PARG: variants seen among roughly 807,000 people sequenced by gnomAD.
PARG encodes poly(ADP-ribose) glycohydrolase, also known as mitochondrial poly(ADP-ribose) glycohydrolase.
In PARG, 35 loss-of-function variants were observed where a neutral mutation model predicts 113.0. That is an observed-to-expected ratio of 0.31 (90% CI 0.24 to 0.41). PARG has a LOEUF of 0.41. Ranked by LOEUF, PARG falls within the 10% of genes least tolerant of loss-of-function variation. PARG has a pLI of 1.00. For synonymous variants in PARG, 330 were observed against 409.9 expected (o/e 0.81, Z 2.36); for missense variants, 797 against 1,169.4 (o/e 0.68, Z 4.64).
chr10:49,873,582 C>G (rs2063703192), intron 9 of PARG, among the ~76,000 whole-genome samples: 1 of 141,172 alleles, frequency 7.1e-6, no homozygotes, highest in Non-Finnish European at 1.6e-5. Context: ...GGCTTCCCTA[C>G]CTAGAAAATT....
chr10:49,925,734 G>T (rs1455211215), intron 4 of PARG, among the ~76,000 whole-genome samples: 1 of 152,202 alleles, frequency 6.6e-6, no homozygotes, highest in African/African-American at 2.4e-5. Flanking sequence ...ACAGAGCAGG[G>T]AGCCCTCTTA....
In PARG at chr10:49,933,427, G is replaced by A. The variant is rs1838586395; in HGVS notation, c.1021C>T (p.Pro341Ser). 3.1e-6 allele frequency: 5 copies of A among 1,613,370 alleles called. No homozygotes were observed. The highest frequency in any genetic ancestry group is 2.5e-6 in the Non-Finnish European group (3 of 1,179,400). ...DGSSSQTANK[P>S]SRFQARDADI... ...GCGTCTCTTGCTTGGAACCTTGAAGGTTTATTTGCTGTTTGGGAGGAACTA... is the reference window on the plus strand; with the variant it reads ...GCGTCTCTTGCTTGGAACCTTGAAGATTTATTTGCTGTTTGGGAGGAACTA... Residue 341 changes from proline (P) to serine (S), a missense_variant, in exon 3 of 18, where the codon CCT becomes TCT. Pro to Ser is a moderately conservative substitution (Grantham distance 74). This residue lies in a region of PARG where 252 missense variants were observed against 437.4 expected (regional missense o/e 0.58). Transcript: ENST00000616448.
intron 13 of PARG, among the ~76,000 whole-genome samples, chr10:49,852,170 C>T (rs1554834304): frequency 1.3e-5 from 2 of 152,142 alleles, no homozygotes; most frequent in Admixed American, 6.6e-5. Context: ...GAAATCCAGA[C>T]ATCAAATAGA....
At chr10:49,878,714 G>A (rs1236813881) in intron 9 of PARG, among the ~76,000 whole-genome samples, 7 of 151,662 alleles carry the variant, frequency 4.6e-5, no homozygotes, top group Non-Finnish European at 8.8e-5. Context: ...TTGTGTATCC[G>A]CTCTATGACT....
In PARG at chr10:49,823,857, ATTTAT is replaced by A. The variant is rs571475146; in HGVS notation, c.2648-3569_2648-3565del. Among the ~76,000 whole-genome samples the A allele has an allele frequency of 2.2e-3, 335 of 152,342 alleles. 2 individuals carry two copies. The highest frequency in any genetic ancestry group is 7.8e-3 in the African/African-American group (324 of 41,594). On this transcript the variant is annotated intron_variant, in intron 16 of 17. Coordinates refer to ENST00000616448, the MANE Select transcript of PARG (RefSeq NM_003631.5). ...CATTTAAAATTTATCTCTTTATAGA[ATTTAT>A]TTTATATTAAGAGAAAATCAAAAAG...
intron 7 of PARG, among the ~76,000 whole-genome samples, chr10:49,899,956 G>A (rs1848276330): frequency 6.6e-6 from 1 of 152,074 alleles, no homozygotes; most frequent in Non-Finnish European, 1.5e-5. Flanking sequence ...AGTTTTTAAA[G>A]TACTCTGTAA....
In PARG at chr10:49,933,542, T is replaced by G; in HGVS notation, c.906A>C (p.Ser302=). ...TTTTAGAATTATCCACATCCATCGG[T>G]GACTCGGGTTCACTTTCCTTCTCAA... is the stretch of plus-strand genomic sequence containing the variant. The part of the protein sequence containing the change: ...PPFEKESEPE[S]PMDVDNSKNS... Residue 302 remains serine (S), a synonymous_variant, in exon 3 of 18, where the codon TCA becomes TCC. Coordinates refer to ENST00000616448, the MANE Select transcript of PARG (RefSeq NM_003631.5). 1 of 1,611,624 alleles carries G rather than the reference T, an allele frequency of 6.2e-7. No individual in the cohort carries two copies. The highest frequency in any genetic ancestry group is 1.1e-5 in the South Asian group (1 of 90,954).
intron 5 of PARG, 47 bp from the exon 6 acceptor site, chr10:49,922,466 T>C (rs1446389533): frequency 3.7e-6 from 6 of 1,609,982 alleles, no homozygotes; most frequent in Non-Finnish European, 4.2e-6. Flanking sequence ...CTAAGTTGTT[T>C]TGCATCACAG....
At chr10:49,940,235 C>T (rs1312877425) in intron 1 of PARG, among the ~76,000 whole-genome samples, 1 of 148,104 alleles carries the variant, frequency 6.8e-6, no homozygotes, top group African/African-American at 2.5e-5. Context: ...CCTAGATTAA[C>T]TCCTTAACTG....
intron 7 of PARG, among the ~76,000 whole-genome samples, chr10:49,899,459 A>T (rs1469297383): frequency 6.6e-6 from 1 of 152,208 alleles, no homozygotes; most frequent in Non-Finnish European, 1.5e-5. Context: ...GGCTCATGAA[A>T]GTCTGACAGG....
chr10:49,819,567 G>C, intron 17 of PARG, 73 bp from the exon 18 acceptor site: 1 of 1,129,484 alleles, frequency 8.9e-7, no homozygotes, highest in Non-Finnish European at 1.3e-6. Flanking sequence ...GAACACTCCA[G>C]TTTTATCTTA....
At position 49,915,366 on chromosome 10, in the gene PARG, C is replaced by T. The variant is rs569892388; in HGVS notation, c.1737+551G>A. 1.1e-4 allele frequency among the ~76,000 whole-genome samples: 17 copies of T among 152,192 alleles called. No homozygotes were observed. In the South Asian group the frequency reaches 3.5e-3, roughly 32 times the overall value. ...TAGACAAATGAAAAGACTCTCTCTGCTAATGGTACTATGAAAGTGATATTC... is the reference window on the plus strand; with the variant it reads ...TAGACAAATGAAAAGACTCTCTCTGTTAATGGTACTATGAAAGTGATATTC... On this transcript the variant is annotated intron_variant, in intron 7 of 17. Coordinates refer to ENST00000616448, the MANE Select transcript of PARG (RefSeq NM_003631.5).
intron 7 of PARG, among the ~76,000 whole-genome samples, chr10:49,903,792 G>A (rs61218718): frequency 0.018 from 2,734 of 151,624 alleles, 79 homozygotes; most frequent in African/African-American, 0.061. Context: ...AGCAGGAAAA[G>A]TGGCATGAAA....
chr10:49,862,133 C>T (rs1449658445), intron 11 of PARG, among the ~76,000 whole-genome samples: 10 of 149,842 alleles, frequency 6.7e-5, no homozygotes, highest in African/African-American at 2.5e-4. Context: ...ATACCTGCGA[C>T]AGAAATTCTG....
intron 13 of PARG, among the ~76,000 whole-genome samples, chr10:49,846,135 AATAC>A (rs1588891102): frequency 6.6e-6 from 1 of 151,568 alleles, no homozygotes; most frequent in African/African-American, 2.4e-5. Context: ...CACACAAAGG[AATAC>A]TCCTTAGTAA....
intron 8 of PARG, 38 bp downstream of exon 8, chr10:49,885,165 G>A (rs1554840215): frequency 1.8e-6 from 2 of 1,092,176 alleles, no homozygotes; most frequent in South Asian, 1.2e-5. Flanking sequence ...TCAATTGGCA[G>A]TCTCAGGGAA....
At chr10:49,920,538 A>ATACACATATATATACATATAT (rs1420179950) in intron 6 of PARG, among the ~76,000 whole-genome samples, 40 of 142,942 alleles carry the variant, frequency 2.8e-4, no homozygotes, top group African/African-American at 9.9e-4. Flanking sequence ...ATGTATATAT[A>ATACACATATATATACATATAT]TACACATATA....
At chr10:49,847,535 A>G (rs1255530471) in intron 13 of PARG, among the ~76,000 whole-genome samples, 1 of 152,232 alleles carries the variant, frequency 6.6e-6, no homozygotes, top group Non-Finnish European at 1.5e-5. Flanking sequence ...AATCTACAAA[A>G]TAACTAGCCT....
chr10:49,832,328 T>C (rs1281747380), intron 16 of PARG, among the ~76,000 whole-genome samples: 2 of 152,244 alleles, frequency 1.3e-5, no homozygotes, highest in Non-Finnish European at 2.9e-5. Context: ...GGTCTCATAC[T>C]GCCTCTCTCT....
Sources: gnomAD v4.1 joint callset for allele counts (sites outside exome capture counted in the v4.1 genomes callset) on GRCh38, gnomAD v4.1.1 for gene constraint, gnomAD v4.1.1 regional missense constraint, MANE v1.5 for transcripts, NCBI Gene and HGNC (gene_info 2026-07-23, HGNC 2026-07-21) for gene names.